Variants in STK32B observed in about 807,000 individuals in gnomAD.
STK32B encodes the protein serine/threonine kinase 32B.
In STK32B, 43 loss-of-function variants were observed where a neutral mutation model predicts 52.6. The ratio of observed to expected loss-of-function variants is 0.82; its 90% CI spans 0.64 to 1.05. The LOEUF (loss-of-function observed/expected upper bound fraction) is 1.05, where lower values mean the gene tolerates loss of function less well. Ranked by LOEUF, STK32B falls within the 50% of genes least tolerant of loss-of-function variation. The pLI is 0.00. For synonymous variants in STK32B, 238 were observed against 204.3 expected (o/e 1.17, Z -1.41); for missense variants, 621 against 534.6 (o/e 1.16, Z -1.59).
chr4:5,288,982 A>T (rs1728717109), intron 3 of STK32B, among the ~76,000 whole-genome samples: 1 of 152,244 alleles, frequency 6.6e-6, no homozygotes, highest in African/African-American at 2.4e-5. Context: ...ATGGTGTTCC[A>T]GCACCATTTG....
intron 1 of STK32B, among the ~76,000 whole-genome samples, chr4:5,070,615 G>C (rs1382704985): frequency 6.6e-6 from 1 of 152,130 alleles, no homozygotes; most frequent in Non-Finnish European, 1.5e-5. Flanking sequence ...AAGTTGTTAG[G>C]GTGGGCCCAA....
At chr4:5,387,345 G>A (rs538919991) in intron 4 of STK32B, among the ~76,000 whole-genome samples, 2 of 152,286 alleles carry the variant, frequency 1.3e-5, no homozygotes, top group African/African-American at 4.8e-5. Context: ...CTGATTCGAT[G>A]GAACTCAGCA....
intron 11 of STK32B, among the ~76,000 whole-genome samples, chr4:5,489,574 C>T (rs1197558594): frequency 6.6e-6 from 1 of 152,008 alleles, no homozygotes; most frequent in Admixed American, 6.6e-5. Flanking sequence ...ATTATGAAGA[C>T]ATTTTAAATT....
At chr4:5,273,676 G>C (rs370950894) in intron 3 of STK32B, among the ~76,000 whole-genome samples, 5,144 of 88,666 alleles carry the variant, frequency 0.058, 525 homozygotes, top group African/African-American at 0.23. Context: ...AAAATGATGA[G>C]TTCATGTCCT....
At chr4:5,035,788 T>A in the STK32B span, among the ~76,000 whole-genome samples, 1 of 152,008 alleles carries the variant, frequency 6.6e-6, no homozygotes, top group Non-Finnish European at 1.5e-5. Context: ...TAAATTTTTT[T>A]TTTTTTTTTT....
chr4:5,276,403 C>T (rs1727827389), intron 3 of STK32B, among the ~76,000 whole-genome samples: 1 of 152,172 alleles, frequency 6.6e-6, no homozygotes, highest in African/African-American at 2.4e-5. Context: ...GCAAGGGGCC[C>T]TCTCCTAATA....
At chr4:5,297,600 C>T (rs555304141) in intron 3 of STK32B, among the ~76,000 whole-genome samples, 56 of 147,658 alleles carry the variant, frequency 3.8e-4, no homozygotes, top group South Asian at 2.8e-3. Flanking sequence ...ACAAAGTTCT[C>T]GTGCTGTGTT....
intron 3 of STK32B, among the ~76,000 whole-genome samples, chr4:5,312,244 C>T (rs1730339867): frequency 7.0e-6 from 1 of 143,812 alleles, no homozygotes; most frequent in Non-Finnish European, 1.5e-5. Context: ...TATGGTTTTA[C>T]CGCTTACGTT....
intron 1 of STK32B, among the ~76,000 whole-genome samples, chr4:5,137,453 A>G (rs1374017672): frequency 1.3e-5 from 2 of 152,210 alleles, no homozygotes; most frequent in Non-Finnish European, 2.9e-5. Context: ...GCAAGAGGCC[A>G]CGGATGTGTA....
intron 1 of STK32B, among the ~76,000 whole-genome samples, chr4:5,083,813 T>G (rs1485584425): frequency 6.6e-6 from 1 of 151,916 alleles, no homozygotes; most frequent in Non-Finnish European, 1.5e-5. Flanking sequence ...CTCGGCTCAC[T>G]GCAACCTCCA....
chr4:5,450,318 G>A (rs1715869877), intron 7 of STK32B, among the ~76,000 whole-genome samples: 1 of 152,090 alleles, frequency 6.6e-6, no homozygotes, highest in South Asian at 2.1e-4. Flanking sequence ...GAGATATGAG[G>A]AGATCTCCCT....
chr4:5,156,006 T>C (rs921937032), intron 2 of STK32B, among the ~76,000 whole-genome samples: 1 of 151,910 alleles, frequency 6.6e-6, no homozygotes, highest in Non-Finnish European at 1.5e-5. Flanking sequence ...ATATACCCAC[T>C]AAACAGTATA....
At chr4:5,170,426 A>G (rs997743193) in intron 3 of STK32B, among the ~76,000 whole-genome samples, 2 of 152,156 alleles carry the variant, frequency 1.3e-5, no homozygotes, top group Non-Finnish European at 2.9e-5. Flanking sequence ...GTCATTTAAC[A>G]TTAGGTATAT....
chr4:5,490,266 C>G (rs552304334), intron 11 of STK32B, among the ~76,000 whole-genome samples: 1 of 152,080 alleles, frequency 6.6e-6, no homozygotes, highest in South Asian at 2.1e-4. Context: ...GCCACCATGC[C>G]CAGCTAATTT....
chr4:5,194,442 A>G (rs1013974051), intron 3 of STK32B, among the ~76,000 whole-genome samples: 10 of 152,296 alleles, frequency 6.6e-5, no homozygotes, highest in African/African-American at 2.2e-4. Flanking sequence ...CCCTTTGCTC[A>G]TCCTCATCCT....
At chr4:5,193,551 G>A (rs1032100637) in intron 3 of STK32B, among the ~76,000 whole-genome samples, 3 of 152,248 alleles carry the variant, frequency 2.0e-5, no homozygotes, top group African/African-American at 7.2e-5. Flanking sequence ...GAGATGGTCA[G>A]CAGGGATAAC....
chr4:5,278,590 C>T (rs926828866), intron 3 of STK32B, among the ~76,000 whole-genome samples: 9 of 152,260 alleles, frequency 5.9e-5, no homozygotes, highest in South Asian at 2.1e-4. Context: ...AATTCACTTG[C>T]GAATTTGAAA....
In STK32B at chr4:5,096,454, G is replaced by A. The variant is rs528377345; in HGVS notation, c.53-43451G>A. On this transcript the variant is annotated intron_variant, in intron 1 of 11. Transcript: ENST00000282908. The stretch of plus-strand genomic sequence containing the variant: ...AAGGAAATTGATCTCCATGTTTCCC[G>A]CACTCCAGATGGCCTTTTGACAACA... Among the ~76,000 whole-genome samples the A allele has an allele frequency of 3.9e-5, 6 of 152,210 alleles. No homozygotes were observed. The East Asian group carries it at 7.7e-4, about 20-fold the overall frequency.
chr4:5,334,825 G>C (rs918374113), intron 4 of STK32B, among the ~76,000 whole-genome samples: 2 of 152,096 alleles, frequency 1.3e-5, no homozygotes, highest in African/African-American at 4.8e-5. Flanking sequence ...TGGGGATGAA[G>C]CCCACTTGAT....
Sources: gnomAD v4.1 joint callset for allele counts (sites outside exome capture counted in the v4.1 genomes callset) on GRCh38, gnomAD v4.1.1 for gene constraint, MANE v1.5 for transcripts, NCBI Gene and HGNC (gene_info 2026-07-23, HGNC 2026-07-21) for gene names.